TERB2: variants seen among roughly 807,000 people sequenced by gnomAD.
TERB2 encodes the protein telomere repeat binding bouquet formation protein 2, also known as telomere repeats-binding bouquet formation protein 2.
Under a neutral mutation model 29.8 loss-of-function variants are expected in TERB2, and 26 were observed. The observed-to-expected ratio is 0.87, with a 90% CI of 0.64 to 1.21. TERB2 has a LOEUF of 1.21. TERB2 is among the 50% of genes most tolerant of loss of function. The probability of loss-of-function intolerance (pLI) is 0.00; values close to 1 mark genes in which losing one functional copy is unlikely to be tolerated. For missense variants in TERB2, 240 were observed against 268.6 expected (o/e 0.89, Z 0.74); for synonymous variants, 80 against 90.8 (o/e 0.88, Z 0.68).
intron 2 of TERB2, among the ~76,000 whole-genome samples, chr15:44,957,369 A>G (rs994030664): frequency 6.6e-6 from 1 of 152,120 alleles, no homozygotes; most frequent in African/African-American, 2.4e-5. Flanking sequence ...CTGCAGTGTC[A>G]CAGGCTTCTC....
intron 5 of TERB2, among the ~76,000 whole-genome samples, chr15:44,967,311 T>C (rs111232510): frequency 5.1e-4 from 77 of 152,290 alleles, no homozygotes; most frequent in East Asian, 1.2e-3. Flanking sequence ...CCGGAGTCAA[T>C]CTAAAAGTGG....
chr15:44,969,113 T>C (rs901334005), intron 5 of TERB2, among the ~76,000 whole-genome samples: 10 of 151,036 alleles, frequency 6.6e-5, no homozygotes, highest in African/African-American at 2.4e-4. Context: ...AAAAATTAAT[T>C]AGACAGGGTC....
intron 6 of TERB2, among the ~76,000 whole-genome samples, chr15:44,975,521 T>C (rs1892033115): frequency 6.6e-6 from 1 of 152,130 alleles, no homozygotes. Context: ...ATAGAATTAA[T>C]TGTGGTCTTT....
intron 5 of TERB2, among the ~76,000 whole-genome samples, chr15:44,967,080 C>A (rs1279103983): frequency 1.3e-5 from 2 of 152,166 alleles, no homozygotes; most frequent in African/African-American, 4.8e-5. Context: ...GCCTGGGTGA[C>A]AGAACAATAC....
At chr15:44,965,162 C>CAAAAAAAAA (rs66756472) in intron 4 of TERB2, among the ~76,000 whole-genome samples, 1 of 48,810 alleles carries the variant, frequency 2.0e-5, no homozygotes, top group South Asian at 1.3e-3. Context: ...GACTCTGTCT[C>CAAAAAAAAA]AAAAAAAAAA....
rs147132368 is a variant in TERB2 at position 44,963,233 on chromosome 15, G to A, written c.348+1649G>A. On this transcript the variant is annotated intron_variant, in intron 4 of 6. Transcript: ENST00000340827. ...GCGTATCTTTACAATGGAGCGATCT[G>A]GCAGGCACCATTTAACTAACTTAGC... 3.3e-5 allele frequency among the ~76,000 whole-genome samples: 5 copies of A among 152,280 alleles called. 1 individual carries two copies. The highest frequency in any genetic ancestry group is 1.2e-4 in the African/African-American group (5 of 41,556).
chr15:44,972,249 C>T (rs1012161410), intron 5 of TERB2, among the ~76,000 whole-genome samples: 1 of 151,868 alleles, frequency 6.6e-6, no homozygotes, highest in Non-Finnish European at 1.5e-5. Context: ...CCTCGGCCTC[C>T]CAAAGTGCTG....
chr15:44,974,918 T>C (rs1892023391), intron 6 of TERB2, among the ~76,000 whole-genome samples: 1 of 152,108 alleles, frequency 6.6e-6, no homozygotes, highest in Non-Finnish European at 1.5e-5. Context: ...TTTATTAATA[T>C]ATTTAAGAGA....
intron 5 of TERB2, among the ~76,000 whole-genome samples, chr15:44,971,932 C>A (rs991086215): frequency 1.4e-5 from 2 of 146,160 alleles, no homozygotes; most frequent in Non-Finnish European, 3.0e-5. Context: ...TGTAGGACCT[C>A]ATCCTGATGA....
Sources: allele counts gnomAD v4.1 joint callset (sites outside exome capture counted in the v4.1 genomes callset), GRCh38; gene constraint gnomAD v4.1.1; transcripts MANE v1.5; gene names NCBI Gene and HGNC (gene_info 2026-07-23, HGNC 2026-07-21).